TMPRSS6: variants seen among roughly 807,000 people sequenced by gnomAD.
The protein encoded by TMPRSS6 is transmembrane serine protease 6, also known as transmembrane protease serine 6.
TMPRSS6 carries 67 observed loss-of-function variants against 101.5 expected under a neutral mutation model. The ratio of observed to expected loss-of-function variants is 0.66; its 90% CI spans 0.54 to 0.81. TMPRSS6 has a LOEUF of 0.81. TMPRSS6 is among the 30% of genes least tolerant of loss of function. The pLI is 0.00. For missense variants in TMPRSS6, 1,034 were observed against 1,088.7 expected (o/e 0.95, Z 0.71); for synonymous variants, 453 against 464.9 (o/e 0.97, Z 0.33).
At chr22:37,097,571 T>G (rs1306193778) in intron 3 of TMPRSS6, among the ~76,000 whole-genome samples, 1 of 152,276 alleles carries the variant, frequency 6.6e-6, no homozygotes. Flanking sequence ...CCTGCCTTGC[T>G]GGGCAGTGGT....
At chr22:37,079,546 C>G (rs985817265) in intron 10 of TMPRSS6, among the ~76,000 whole-genome samples, 1 of 152,196 alleles carries the variant, frequency 6.6e-6, no homozygotes, top group African/African-American at 2.4e-5. Flanking sequence ...GAAGGAGGGT[C>G]ACAGAAGGCA....
Position 37,084,417 on chromosome 22 carries a change from A to G in TMPRSS6, c.1087-13T>C, listed in dbSNP as rs145585962. The G allele has an allele frequency of 2.9e-5, 47 of 1,603,268 alleles. No individual in the cohort carries two copies. The African/African-American group carries it at 5.4e-4, about 18-fold the overall frequency. ...CCAGAGAGGGCACCTGGGAGGGAGG[A>G]GCGGGCCATCAGGTGGCCCATGGGG... On this transcript the variant is annotated splice_polypyrimidine_tract_variant and intron_variant, in intron 9 of 17. Transcript: ENST00000676104.
intron 2 of TMPRSS6, among the ~76,000 whole-genome samples, chr22:37,100,602 G>A (rs1421627112): frequency 3.3e-5 from 5 of 152,234 alleles, no homozygotes; most frequent in Non-Finnish European, 7.3e-5. Context: ...GATGTTGGAG[G>A]TACAGGTCTG....
rs1928280465 is a variant in TMPRSS6 at position 37,081,661 on chromosome 22, A to G, written c.1196+2634T>C. 3.3e-5 allele frequency among the ~76,000 whole-genome samples: 5 copies of G among 152,124 alleles called. No individual in the cohort carries two copies. The South Asian group carries it at 1.0e-3, about 32-fold the overall frequency. ...GGACTGAACAGAGAGAGGGGGAGCT[A>G]TGGGGGCACAGGGAGCTGTCAGGCC... is the stretch of plus-strand genomic sequence containing the variant. On this transcript the variant is annotated intron_variant, in intron 10 of 17. Coordinates refer to ENST00000676104, the MANE Select transcript of TMPRSS6 (RefSeq NM_001374504.1).
rs1434806138 is a variant in TMPRSS6, at chr22:37,089,714, A to T, written c.700T>A (p.Ser234Thr). Residue 234 changes from serine (S) to threonine (T), a missense_variant, in exon 7 of 18, where the codon TCC (serine) becomes ACC (threonine). Transcript: ENST00000676104. ...CCCTGCAGGTGCCACAGGCAGCTGG[A>T]GGCCAGGTGGTCAGGCCCCTTCAGC... ...LRLKGPDHLA[S>T]SCLWHLQGPK... is the part of the protein sequence containing the mutation. 4.3e-6 allele frequency: 7 copies of T among 1,612,098 alleles called. No homozygotes were observed. Among genetic ancestry groups the T allele is most frequent in the Admixed American group, 1.7e-5 (1 of 59,902 alleles).
intron 10 of TMPRSS6, among the ~76,000 whole-genome samples, chr22:37,078,674 TAGA>T (rs1334847026): frequency 4.3e-5 from 5 of 116,130 alleles, no homozygotes; most frequent in African/African-American, 2.1e-4. Flanking sequence ...CCTGCTCCTT[TAGA>T]AGGAGAAGAG....
Position 37,066,250 on chromosome 22 carries a change from A to G in TMPRSS6, c.2251-12T>C, listed in dbSNP as rs1198326322. ...CCACCTGAGTCACCCTGAAAGGGGG[A>G]AAGGAGAAAGGACTGAAGCAGGGTA... On this transcript the variant is annotated splice_polypyrimidine_tract_variant and intron_variant, in intron 17 of 17. Coordinates refer to ENST00000676104, the MANE Select transcript of TMPRSS6 (RefSeq NM_001374504.1). 4 of 1,604,184 alleles carry G rather than the reference A, an allele frequency of 2.5e-6. No individual in the cohort carries two copies. Among genetic ancestry groups the G allele is most frequent in the Non-Finnish European group, 3.4e-6 (4 of 1,174,838 alleles).
intron 13 of TMPRSS6, among the ~76,000 whole-genome samples, chr22:37,072,194 T>C (rs1927013945): frequency 7.9e-6 from 1 of 127,156 alleles, no homozygotes; most frequent in Non-Finnish European, 1.6e-5. Flanking sequence ...GGATGGATGA[T>C]GGATGAATGG....
intron 3 of TMPRSS6, 132 bp from the exon 4 acceptor site, chr22:37,096,847 A>C: frequency 2.2e-6 from 2 of 897,714 alleles, no homozygotes; most frequent in Non-Finnish European, 3.6e-6. Context: ...GACAGGCTTG[A>C]TCACGGTCAC....
At chr22:37,104,735 T>C (rs1930604339) in intron 1 of TMPRSS6, among the ~76,000 whole-genome samples, 1 of 151,838 alleles carries the variant, frequency 6.6e-6, no homozygotes, top group African/African-American at 2.4e-5. Context: ...CTGAGGTGAG[T>C]GGATCACCTG....
intron 14 of TMPRSS6, 84 bp from the exon 15 acceptor site, chr22:37,070,736 A>T: frequency 3.4e-6 from 5 of 1,472,846 alleles, no homozygotes; most frequent in Non-Finnish European, 4.7e-6. Flanking sequence ...AAGGAAAGAG[A>T]TGGAGAGACA....
At chr22:37,094,609 G>A (rs1040689788) in intron 6 of TMPRSS6, among the ~76,000 whole-genome samples, 5 of 151,210 alleles carry the variant, frequency 3.3e-5, no homozygotes, top group African/African-American at 9.8e-5. Flanking sequence ...CATTCTACTC[G>A]TTCCCCCATT....
chr22:37,084,277 G>C lies in TMPRSS6; in HGVS notation c.1196+18C>G, dbSNP rs1197344565. On this transcript the variant is annotated intron_variant, in intron 10 of 17. Transcript: ENST00000676104. ...GGGAGGGAGGAAAGGAAGCCAGAGG[G>C]AGGAGAGGAAGTGGTACCTCCTGTT... 2 of 1,595,714 alleles carry C rather than the reference G, an allele frequency of 1.3e-6. No individual in the cohort carries two copies. Among genetic ancestry groups the C allele is most frequent in the South Asian group, 1.1e-5 (1 of 89,974 alleles).
intron 6 of TMPRSS6, among the ~76,000 whole-genome samples, chr22:37,094,705 C>T (rs1431014632): frequency 1.3e-5 from 2 of 152,172 alleles, no homozygotes; most frequent in Admixed American, 6.5e-5. Flanking sequence ...TGTACTTTGA[C>T]CTCATCACCT....
chr22:37,095,695 C>G, intron 5 of TMPRSS6, 103 bp from the exon 6 acceptor site: 1 of 1,353,730 alleles, frequency 7.4e-7, no homozygotes, highest in East Asian at 2.5e-5. Context: ...TGGAGCCAGC[C>G]TTGTCTGAGA....
chr22:37,082,300 C>T (rs1246082556), intron 10 of TMPRSS6, among the ~76,000 whole-genome samples: 3 of 152,204 alleles, frequency 2.0e-5, no homozygotes, highest in Non-Finnish European at 4.4e-5. Context: ...CCGAACCCCC[C>T]ACAACCCCTG....
chr22:37,068,913 G>C (rs978925796), intron 16 of TMPRSS6, among the ~76,000 whole-genome samples, 160 bp downstream of exon 16: 8 of 152,252 alleles, frequency 5.3e-5, no homozygotes, highest in Admixed American at 5.2e-4. Flanking sequence ...TTAAATGGTG[G>C]TTTTCTACCG....
At chr22:37,070,387 C>A in intron 15 of TMPRSS6, 97 bp downstream of exon 15, 1 of 1,512,660 alleles carries the variant, frequency 6.6e-7, no homozygotes, top group Non-Finnish European at 9.2e-7. Context: ...CACCACCCTT[C>A]CCTCTATCTG....
At chr22:37,068,924 TA>T in intron 16 of TMPRSS6, 148 bp downstream of exon 16, 2 of 1,380,414 alleles carry the variant, frequency 1.4e-6, no homozygotes, top group Non-Finnish European at 1.9e-6. Context: ...TTTTCTACCG[TA>T]AAATTCAGCC....
Sources: gnomAD v4.1 joint callset for allele counts (sites outside exome capture counted in the v4.1 genomes callset) on GRCh38, gnomAD v4.1.1 for gene constraint, MANE v1.5 for transcripts, NCBI Gene and HGNC (gene_info 2026-07-23, HGNC 2026-07-21) for gene names.